The following BICD1 variants were observed in gnomAD, a reference collection of about 807,000 sequenced individuals.
BICD1 encodes the protein BICD cargo adaptor 1.
BICD1 carries 35 observed loss-of-function variants against 92.5 expected under a neutral mutation model. The observed-to-expected ratio is 0.38, with a 90% confidence interval of 0.29 to 0.50. The LOEUF is 0.50. Ranked by LOEUF, BICD1 falls within the 20% of genes least tolerant of loss-of-function variation. The pLI, the probability that BICD1 is intolerant of heterozygous loss-of-function variation, is 0.93. For missense variants in BICD1, 950 were observed against 1,189.8 expected, an observed-to-expected ratio of 0.80 and a Z score of 2.97; for synonymous variants, 429 against 465.1, an observed-to-expected ratio of 0.92 and a Z score of 1.00.
At chr12:32,164,936 G>A (rs1176259762) in intron 1 of BICD1, among the ~76,000 whole-genome samples, 2 of 152,260 alleles carry the variant, frequency 1.3e-5, no homozygotes, top group East Asian at 1.9e-4. Context: ...CTGACAGCAC[G>A]GGTGAAGTGG....
At chr12:32,323,772 C>G (rs1592673203) in intron 4 of BICD1, among the ~76,000 whole-genome samples, 1 of 152,066 alleles carries the variant, frequency 6.6e-6, no homozygotes, top group East Asian at 1.9e-4. Flanking sequence ...GCATAGTAGT[C>G]TGGGACAGTA....
At chr12:32,190,921 G>T (rs191700808) in intron 1 of BICD1, among the ~76,000 whole-genome samples, 7 of 152,278 alleles carry the variant, frequency 4.6e-5, no homozygotes, top group African/African-American at 9.6e-5. Context: ...AATAACATTA[G>T]AAATTAATAA....
intron 2 of BICD1, among the ~76,000 whole-genome samples, chr12:32,269,838 T>A (rs1947089538): frequency 1.3e-5 from 2 of 152,116 alleles, no homozygotes; most frequent in South Asian, 4.1e-4. Flanking sequence ...CATTCACAAT[T>A]ATCATATCGG....
At chr12:32,253,192 C>T (rs1193622371) in intron 2 of BICD1, among the ~76,000 whole-genome samples, 1 of 152,138 alleles carries the variant, frequency 6.6e-6, no homozygotes, top group Admixed American at 6.5e-5. Context: ...CAGCATCTTA[C>T]TATGTTTATT....
chr12:32,152,822 C>T (rs1943326842), intron 1 of BICD1, among the ~76,000 whole-genome samples: 3 of 152,168 alleles, frequency 2.0e-5, no homozygotes, highest in South Asian at 4.1e-4. Context: ...TACACAGCCA[C>T]GTATGGCTGG....
In BICD1 at chr12:32,380,787, T is replaced by C. The variant is rs1565709523; in HGVS notation, c.*3160T>C. ...AAAGACCTATTTAGAAATTATACTT[T>C]AGTCTAACGAAGAGGAGGTACAATA... On this transcript the variant is annotated 3_prime_UTR_variant, in exon 10 of 10. Transcript: ENST00000652176. The C allele has an allele frequency of 6.6e-6, 1 of 152,128 alleles. No individual in the cohort carries two copies. Among genetic ancestry groups the C allele is most frequent in the Non-Finnish European group, 1.5e-5 (1 of 67,994 alleles). 9.4% of individuals were successfully genotyped at this position (152,128 alleles called of 1,614,324 possible).
intron 2 of BICD1, among the ~76,000 whole-genome samples, chr12:32,264,464 C>T (rs1317711475): frequency 6.6e-6 from 1 of 152,124 alleles, no homozygotes; most frequent in Non-Finnish European, 1.5e-5. Context: ...ACATTTGTTA[C>T]AGTAAAAAAT....
intron 2 of BICD1, among the ~76,000 whole-genome samples, chr12:32,227,027 G>T (rs981629094): frequency 2.0e-5 from 3 of 152,294 alleles, no homozygotes; most frequent in African/African-American, 4.8e-5. Context: ...AGCTCAGGAG[G>T]TTGAGTGTAA....
chr12:32,113,710 AT>A (rs36110677), intron 1 of BICD1, among the ~76,000 whole-genome samples: 47,623 of 122,116 alleles, frequency 0.39, 8,554 homozygotes, highest in African/African-American at 0.51. Flanking sequence ...TGCTTGGGTA[AT>A]TTTTTTTTTT....
intron 9 of BICD1, among the ~76,000 whole-genome samples, chr12:32,376,086 A>AT (rs11378740): frequency 0.46 from 65,064 of 140,418 alleles, 15,348 homozygotes; most frequent in East Asian, 0.62. Flanking sequence ...TGCTAGTCAC[A>AT]TTTTTTTTTT....
intron 2 of BICD1, among the ~76,000 whole-genome samples, chr12:32,225,260 T>G (rs1308047276): frequency 6.6e-6 from 1 of 152,236 alleles, no homozygotes; most frequent in Non-Finnish European, 1.5e-5. Context: ...GCCTTGGAGA[T>G]TCATATAAGT....
intron 1 of BICD1, among the ~76,000 whole-genome samples, chr12:32,121,628 A>G (rs938718060): frequency 2.3e-5 from 3 of 128,874 alleles, no homozygotes; most frequent in African/African-American, 5.7e-5. Flanking sequence ...AAATAAAAAT[A>G]AAAGCGCTGA....
chr12:32,165,091 C>T (rs1943714386), intron 1 of BICD1, among the ~76,000 whole-genome samples: 1 of 152,002 alleles, frequency 6.6e-6, no homozygotes, highest in African/African-American at 2.4e-5. Context: ...GCCTGAGGTT[C>T]ACATGAGAGC....
At chr12:32,205,652 T>C (rs972352569) in intron 1 of BICD1, among the ~76,000 whole-genome samples, 3 of 142,296 alleles carry the variant, frequency 2.1e-5, no homozygotes, top group Non-Finnish European at 4.6e-5. Flanking sequence ...CTAATATTTA[T>C]GATTTTACAG....
chr12:32,110,865 A>T (rs1941660843), intron 1 of BICD1, among the ~76,000 whole-genome samples: 1 of 151,396 alleles, frequency 6.6e-6, no homozygotes, highest in South Asian at 2.1e-4. Flanking sequence ...GATGGATAGC[A>T]TTAGGAGATA....
intron 1 of BICD1, among the ~76,000 whole-genome samples, chr12:32,176,943 T>G (rs1944105868): frequency 6.6e-6 from 1 of 151,778 alleles, no homozygotes; most frequent in South Asian, 2.1e-4. Context: ...AGAGTGTAAT[T>G]GCTGGGTCAT....
intron 1 of BICD1, among the ~76,000 whole-genome samples, chr12:32,183,574 C>T (rs1453819370): frequency 1.3e-5 from 2 of 152,122 alleles, no homozygotes; most frequent in African/African-American, 4.8e-5. Flanking sequence ...CTGCTAATAG[C>T]TTTTAAAAAG....
Position 32,378,162 on chromosome 12 carries a change from T to C in BICD1, c.*535T>C, listed in dbSNP as rs1257032465. 1.3e-5 allele frequency: 2 copies of C among 152,436 alleles called. No individual in the cohort carries two copies. Among genetic ancestry groups the C allele is most frequent in the Admixed American group, 6.5e-5 (1 of 15,302 alleles). The allele number at this position is 152,436 out of a possible 1,614,324, so 9.4% of individuals were successfully genotyped here. A position where few individuals can be genotyped will look rare whatever the true frequency, so the allele number is the denominator to read the frequency against. ...GCTCAATTAAGTATGAGTTTGAATT[T>C]AGTTTGAAATCTGGAATTGGCCAGA... On this transcript the variant is annotated 3_prime_UTR_variant, in exon 10 of 10. Coordinates refer to ENST00000652176, the MANE Select transcript of BICD1 (RefSeq NM_001714.4).
chr12:32,251,663 T>C (rs557906590), intron 2 of BICD1, among the ~76,000 whole-genome samples: 1 of 152,310 alleles, frequency 6.6e-6, no homozygotes, highest in Admixed American at 6.5e-5. Context: ...CCAGATGTTA[T>C]GTGTCCAGCT....
Sources: allele counts gnomAD v4.1 joint callset (sites outside exome capture counted in the v4.1 genomes callset), GRCh38; gene constraint gnomAD v4.1.1; transcripts MANE v1.5; gene names NCBI Gene and HGNC (gene_info 2026-07-23, HGNC 2026-07-21).